Variants in DLGAP2 observed in about 807,000 individuals in gnomAD.
DLGAP2 encodes disks large-associated protein 2.
A neutral mutation model predicts 100.3 loss-of-function variants in DLGAP2; 26 were observed. The ratio of observed to expected loss-of-function variants is 0.26; its 90% CI spans 0.19 to 0.36. DLGAP2 has a LOEUF of 0.36. DLGAP2 is among the 10% of genes least tolerant of loss of function. The pLI, the probability that DLGAP2 is intolerant of heterozygous loss-of-function variation, is 1.00. For synonymous variants in DLGAP2, 886 were observed against 630.1 expected, an observed-to-expected ratio of 1.41 and a Z score of -6.08; for missense variants, 1,858 against 1,453.2, an observed-to-expected ratio of 1.28 and a Z score of -4.53.
chr8:1,228,963 A>G (rs989180976), intron 2 of DLGAP2, among the ~76,000 whole-genome samples: 4 of 152,202 alleles, frequency 2.6e-5, no homozygotes, highest in African/African-American at 9.6e-5. Flanking sequence ...AAGCATTCCT[A>G]TTGGAAAGGA....
At chr8:1,600,973 C>A (rs1451009648) in intron 6 of DLGAP2, among the ~76,000 whole-genome samples, 4 of 152,272 alleles carry the variant, frequency 2.6e-5, no homozygotes, top group South Asian at 2.1e-4. Flanking sequence ...GAATTTTCAA[C>A]CTTGTTGTGC....
At chr8:1,475,690 C>T (rs960782234) in intron 3 of DLGAP2, among the ~76,000 whole-genome samples, 5 of 152,202 alleles carry the variant, frequency 3.3e-5, no homozygotes, top group African/African-American at 9.7e-5. Flanking sequence ...ACAGAACCCT[C>T]GCGTGGTCCA....
intron 1 of DLGAP2, among the ~76,000 whole-genome samples, chr8:772,810 G>A (rs1821401167): frequency 6.6e-6 from 1 of 152,218 alleles, no homozygotes; most frequent in South Asian, 2.1e-4. Flanking sequence ...ATGGAATTAA[G>A]TGCTCTGCAA....
intron 10 of DLGAP2, among the ~76,000 whole-genome samples, chr8:1,673,920 G>A (rs929201084): frequency 3.3e-5 from 5 of 152,120 alleles, no homozygotes; most frequent in Non-Finnish European, 7.3e-5. Flanking sequence ...CTTTTTCATG[G>A]TACACAAACA....
intron 2 of DLGAP2, among the ~76,000 whole-genome samples, chr8:1,017,612 GCGCCTCCAC>G (rs1801501353): frequency 8.6e-6 from 1 of 116,176 alleles, no homozygotes; most frequent in African/African-American, 2.8e-5. Context: ...AGGACAGACG[GCGCCTCCAC>G]TGTGTGTGTG....
intron 3 of DLGAP2, among the ~76,000 whole-genome samples, chr8:1,304,903 C>T (rs1021388535): frequency 6.6e-6 from 1 of 152,188 alleles, no homozygotes; most frequent in Non-Finnish European, 1.5e-5. Flanking sequence ...TTGATATAAT[C>T]ATCTGTCATT....
chr8:1,618,807 C>T (rs565045038), intron 6 of DLGAP2, among the ~76,000 whole-genome samples: 1 of 152,282 alleles, frequency 6.6e-6, no homozygotes, highest in East Asian at 1.9e-4. Flanking sequence ...AGACGATTCT[C>T]TCTTGTTGGG....
chr8:1,232,499 G>A (rs1488405904), intron 2 of DLGAP2, among the ~76,000 whole-genome samples: 2 of 152,214 alleles, frequency 1.3e-5, no homozygotes, highest in East Asian at 1.9e-4. Flanking sequence ...CGAACCTCAC[G>A]TCAACTCCTT....
intron 2 of DLGAP2, among the ~76,000 whole-genome samples, chr8:970,346 G>A (rs112957726): frequency 0.018 from 2,675 of 152,268 alleles, 79 homozygotes; most frequent in African/African-American, 0.061. Context: ...TTAAAAAATT[G>A]TGTGCAACTC....
intron 6 of DLGAP2, 137 bp from the exon 7 acceptor site, chr8:1,626,603 T>G (rs928619902): frequency 1.9e-6 from 2 of 1,067,140 alleles, no homozygotes; most frequent in Non-Finnish European, 2.7e-6. Flanking sequence ...AGCCTCTGGG[T>G]GTGGGTTGGA....
intron 1 of DLGAP2, among the ~76,000 whole-genome samples, chr8:896,176 G>A (rs1301235831): frequency 1.5e-5 from 1 of 67,216 alleles, no homozygotes; most frequent in Non-Finnish European, 2.9e-5. Flanking sequence ...GTGTGGGGCA[G>A]TGGTGAGAGG....
chr8:1,355,218 T>C (rs1462472170), intron 3 of DLGAP2, among the ~76,000 whole-genome samples: 1 of 152,268 alleles, frequency 6.6e-6, no homozygotes, highest in African/African-American at 2.4e-5. Flanking sequence ...CGTGCTGGCG[T>C]GACAGCGGTG....
chr8:818,685 G>T (rs1326505605), intron 1 of DLGAP2, among the ~76,000 whole-genome samples: 1 of 152,128 alleles, frequency 6.6e-6, no homozygotes, highest in Non-Finnish European at 1.5e-5. Context: ...AAAAGAACAT[G>T]TGCAAACTGT....
chr8:1,275,352 T>C (rs2116937002), intron 3 of DLGAP2, among the ~76,000 whole-genome samples: 1 of 143,704 alleles, frequency 7.0e-6, no homozygotes, highest in East Asian at 2.0e-4. Flanking sequence ...GAGCAGGGAA[T>C]TTGGAATGGA....
chr8:1,503,511 A>G (rs1268245757), intron 4 of DLGAP2, among the ~76,000 whole-genome samples: 3 of 152,088 alleles, frequency 2.0e-5, no homozygotes, highest in Non-Finnish European at 4.4e-5. Flanking sequence ...ACTGGTTTCC[A>G]TTCCTCCGTG....
chr8:1,524,039 C>T (rs963541732), intron 4 of DLGAP2, among the ~76,000 whole-genome samples: 2 of 152,152 alleles, frequency 1.3e-5, no homozygotes, highest in Non-Finnish European at 2.9e-5. Context: ...CTTCCAAAGA[C>T]GTTTCTGATC....
intron 8 of DLGAP2, among the ~76,000 whole-genome samples, chr8:1,665,265 T>G (rs1031255509): frequency 6.6e-6 from 1 of 152,226 alleles, no homozygotes; most frequent in African/African-American, 2.4e-5. Flanking sequence ...TCTGTGATTT[T>G]GAACAGTGGC....
At chr8:1,366,431 G>A (rs1802109752) in intron 3 of DLGAP2, among the ~76,000 whole-genome samples, 1 of 152,174 alleles carries the variant, frequency 6.6e-6, no homozygotes, top group African/African-American at 2.4e-5. Context: ...GTGTCCTCAG[G>A]GCAGCAAGAA....
intron 2 of DLGAP2, among the ~76,000 whole-genome samples, chr8:1,135,503 GTTTTTTTTTT>G (rs3080806): frequency 0.014 from 1,304 of 92,282 alleles, 39 homozygotes; most frequent in African/African-American, 0.048. Flanking sequence ...TTTTTTGTGG[GTTTTTTTTTT>G]TTTTTTTTTT....
Sources: gnomAD v4.1 joint callset for allele counts (sites outside exome capture counted in the v4.1 genomes callset) on GRCh38, gnomAD v4.1.1 for gene constraint, MANE v1.5 for transcripts, NCBI Gene and HGNC (gene_info 2026-07-23, HGNC 2026-07-21) for gene names.